Variants in PRKN observed in about 807,000 individuals in gnomAD.
The protein encoded by PRKN is parkin RBR E3 ubiquitin protein ligase, also known as E3 ubiquitin-protein ligase parkin.
Under a neutral mutation model 59.5 loss-of-function variants are expected in PRKN, and 56 were observed. The observed-to-expected ratio is 0.94, with a 90% CI of 0.76 to 1.18. PRKN has a LOEUF of 1.18. PRKN is among the 50% of genes most tolerant of loss of function. PRKN has a pLI of 0.00. For synonymous variants in PRKN, 250 were observed against 222.1 expected (o/e 1.13, Z -1.12); for missense variants, 657 against 596.4 (o/e 1.10, Z -1.06).
intron 7 of PRKN, among the ~76,000 whole-genome samples, chr6:161,728,496 T>A (rs751627118): frequency 2.6e-5 from 4 of 152,050 alleles, no homozygotes; most frequent in Non-Finnish European, 5.9e-5. Context: ...CCCACCTGAT[T>A]GAAAGTAGAA....
chr6:161,881,875 G>A (rs1272018863), intron 6 of PRKN, among the ~76,000 whole-genome samples: 1 of 152,100 alleles, frequency 6.6e-6, no homozygotes, highest in Admixed American at 6.6e-5. Context: ...CATCTTCTAG[G>A]CCTTTCTCTT....
At position 161,397,446 on chromosome 6, in the gene PRKN, C is replaced by G. The variant is rs1334476096; in HGVS notation, c.1084-10569G>C. Among the ~76,000 whole-genome samples, 1 of 152,158 alleles carries G rather than the reference C, an allele frequency of 6.6e-6. No individual in the cohort carries two copies. Among genetic ancestry groups the G allele is most frequent in the African/African-American group, 2.4e-5 (1 of 41,424 alleles). ...GCACGTGGAGATAGCATTTGTTTTT[C>G]TGCCCTTCACATTTGCCCCTTCAGG... On this transcript the variant is annotated intron_variant, in intron 9 of 11. Coordinates refer to ENST00000366898, the MANE Select transcript of PRKN (RefSeq NM_004562.3). The surrounding 1 kb of genome is among the most constrained non-coding windows in gnomAD (Gnocchi z 4.2).
intron 4 of PRKN, among the ~76,000 whole-genome samples, chr6:162,136,151 T>C (rs189888777): frequency 2.0e-5 from 3 of 150,620 alleles, no homozygotes; most frequent in African/African-American, 7.3e-5. Flanking sequence ...TTGTAGATAA[T>C]CTACAGAATT....
intron 6 of PRKN, among the ~76,000 whole-genome samples, chr6:161,822,044 T>C (rs974244417): frequency 6.6e-6 from 1 of 152,138 alleles, no homozygotes; most frequent in Non-Finnish European, 1.5e-5. Flanking sequence ...ACTTTTTAAG[T>C]TGCTTGGCTA....
chr6:161,762,368 C>A (rs961354229), intron 7 of PRKN, among the ~76,000 whole-genome samples: 6 of 151,986 alleles, frequency 3.9e-5, no homozygotes, highest in Admixed American at 1.3e-4. Flanking sequence ...AGAAAGCAAA[C>A]CAAAAAGACA....
rs780996466 is a variant in PRKN, at chr6:161,548,881, G to T, written c.1056C>A (p.Cys352Ter). ...LPEPDQRKVT[C>*]EGGNGLGCGF... ...CACAGCCCAGGCCATTGCCCCCTTCGCAGGTGACTTTCCTCTGGTCAGGCT... is the reference window on the plus strand; with the variant it reads ...CACAGCCCAGGCCATTGCCCCCTTCTCAGGTGACTTTCCTCTGGTCAGGCT... The change falls in exon 9 of 12, where the codon TGC becomes TGA. Residue 352 changes from cysteine to a stop codon, truncating the protein, a stop_gained. Coordinates refer to ENST00000366898, the MANE Select transcript of PRKN (RefSeq NM_004562.3). LOFTEE classifies it high-confidence loss of function. The surrounding 1 kb of genome is among the most constrained non-coding windows in gnomAD (Gnocchi z 4.2). The T allele has an allele frequency of 3.1e-6, 5 of 1,614,010 alleles. No homozygotes were observed. The highest frequency in any genetic ancestry group is 2.7e-5 in the African/African-American group (2 of 74,912).
chr6:162,094,996 G>T (rs1027555816), intron 4 of PRKN, among the ~76,000 whole-genome samples: 1 of 152,202 alleles, frequency 6.6e-6, no homozygotes, highest in South Asian at 2.1e-4. Flanking sequence ...TGCCAGATGG[G>T]TACATGGACA....
At chr6:161,716,339 A>T (rs1786976779) in intron 7 of PRKN, among the ~76,000 whole-genome samples, 1 of 152,220 alleles carries the variant, frequency 6.6e-6, no homozygotes, top group African/African-American at 2.4e-5. Flanking sequence ...CTGGCATGAA[A>T]TATAGCTGGC....
chr6:161,781,828 G>T (rs1182332647), intron 7 of PRKN, among the ~76,000 whole-genome samples: 4 of 152,136 alleles, frequency 2.6e-5, no homozygotes, highest in African/African-American at 4.8e-5. Context: ...GCTCAACTTT[G>T]TTTAAAATTA....
At chr6:162,026,433 T>C (rs139448415) in intron 5 of PRKN, among the ~76,000 whole-genome samples, 26 of 152,336 alleles carry the variant, frequency 1.7e-4, no homozygotes, top group Admixed American at 3.3e-4. Flanking sequence ...TGAGTTTTCA[T>C]TGGCTTCATG....
At chr6:161,978,830 C>A (rs180982133) in intron 5 of PRKN, among the ~76,000 whole-genome samples, 3 of 152,262 alleles carry the variant, frequency 2.0e-5, no homozygotes, top group Admixed American at 2.0e-4. Context: ...AGGGGTTGGC[C>A]GGGGAAGTTG....
chr6:162,093,402 A>G (rs1354853872), intron 4 of PRKN, among the ~76,000 whole-genome samples: 4 of 152,152 alleles, frequency 2.6e-5, no homozygotes, highest in African/African-American at 9.7e-5. Flanking sequence ...CTTCTCCTGT[A>G]GTTATTAACC....
At chr6:162,654,251 T>C (rs948724171) in intron 1 of PRKN, among the ~76,000 whole-genome samples, 2 of 152,232 alleles carry the variant, frequency 1.3e-5, no homozygotes, top group South Asian at 4.1e-4. Context: ...TGAAAAGCCA[T>C]GTTCATACAC....
At chr6:162,599,755 C>T (rs1781629179) in intron 1 of PRKN, among the ~76,000 whole-genome samples, 1 of 152,110 alleles carries the variant, frequency 6.6e-6, no homozygotes, top group Non-Finnish European at 1.5e-5. Context: ...AGAATTCACG[C>T]TCACTGTTTT....
In PRKN at chr6:161,415,620, GC is replaced by G. The variant is rs1787813429; in HGVS notation, c.1084-28744del. ...CCCCCCCCCCCCCGACCCCCCGCCA[GC>G]CCCCGACCGCCCGGAACTAAGCCAC... On this transcript the variant is annotated intron_variant, in intron 9 of 11. Coordinates refer to ENST00000366898, the MANE Select transcript of PRKN (RefSeq NM_004562.3). Among the ~76,000 whole-genome samples, 2 of 37,862 alleles carry G rather than the reference GC, an allele frequency of 5.3e-5. 1 individual carries two copies. The highest frequency in any genetic ancestry group is 2.6e-3 in the South Asian group (2 of 776). The allele number at this position is 37,862 out of a possible 152,430, so 24.8% of individuals were successfully genotyped here.
chr6:161,748,437 G>A (rs1325288556), intron 7 of PRKN, among the ~76,000 whole-genome samples: 1 of 151,652 alleles, frequency 6.6e-6, no homozygotes, highest in Non-Finnish European at 1.5e-5. Context: ...AGAGTAGAAA[G>A]CATGAAACTA....
At position 162,001,709 on chromosome 6, in the gene PRKN, G is replaced by T. The variant is rs538836926; in HGVS notation, c.619-28292C>A. 5.3e-5 allele frequency among the ~76,000 whole-genome samples: 8 copies of T among 152,110 alleles called. No homozygotes were observed. The East Asian group carries it at 1.2e-3, about 22-fold the overall frequency. ...ATGCTGAAAAGGAGTGGTAAGAAAT[G>T]ACATTCTTGCATTGTTCTTGATCTT... is the stretch of plus-strand genomic sequence containing the variant. On this transcript the variant is annotated intron_variant, in intron 5 of 11. Coordinates refer to ENST00000366898, the MANE Select transcript of PRKN (RefSeq NM_004562.3).
intron 1 of PRKN, among the ~76,000 whole-genome samples, chr6:162,631,022 C>T (rs1026131146): frequency 2.6e-5 from 4 of 152,056 alleles, no homozygotes; most frequent in Admixed American, 6.6e-5. Context: ...TAAGCATTTC[C>T]GGTAGAATTC....
chr6:161,398,620 A>C lies in PRKN; in HGVS notation c.1084-11743T>G, dbSNP rs78450087. 5.8e-3 allele frequency among the ~76,000 whole-genome samples: 887 copies of C among 152,276 alleles called. 6 individuals are homozygous for C. Among genetic ancestry groups the C allele is most frequent in the Non-Finnish European group, 9.3e-3 (631 of 68,028 alleles). On this transcript the variant is annotated intron_variant, in intron 9 of 11. Coordinates refer to ENST00000366898, the MANE Select transcript of PRKN (RefSeq NM_004562.3). ...AAGATGCAGAACGTATGTAATTTCC[A>C]GTTTCAGAGGAGTCACAATTCACCT...
Sources: allele counts gnomAD v4.1 joint callset (sites outside exome capture counted in the v4.1 genomes callset), GRCh38; gene constraint gnomAD v4.1.1; non-coding constraint Gnocchi (gnomAD v3.1); transcripts MANE v1.5; gene names NCBI Gene and HGNC (gene_info 2026-07-23, HGNC 2026-07-21).